The following LMX1B variants were observed in gnomAD, a reference collection of about 807,000 sequenced individuals.
LMX1B encodes LIM homeobox transcription factor 1-beta.
LMX1B carries 12 observed loss-of-function variants against 51.4 expected under a neutral mutation model. That is an observed-to-expected ratio of 0.23 (90% CI 0.15 to 0.38). The LOEUF is 0.38. Among genes scored for constraint, LMX1B ranks in the 10% least tolerant of loss-of-function variants. The pLI is 1.00. For synonymous variants in LMX1B, 237 were observed against 235.4 expected, an observed-to-expected ratio of 1.01 and a Z score of -0.06; for missense variants, 445 against 571.1, an observed-to-expected ratio of 0.78 and a Z score of 2.25.
At chr9:126,627,273 G>A (rs1254529595) in intron 2 of LMX1B, among the ~76,000 whole-genome samples, 1 of 152,030 alleles carries the variant, frequency 6.6e-6, no homozygotes, top group Non-Finnish European at 1.5e-5. Flanking sequence ...CCTCCCCCAG[G>A]GACCCTTCTT....
At chr9:126,621,491 A>G (rs1371770393) in intron 2 of LMX1B, among the ~76,000 whole-genome samples, 1 of 152,172 alleles carries the variant, frequency 6.6e-6, no homozygotes, top group Non-Finnish European at 1.5e-5. Flanking sequence ...TATTTGAAAA[A>G]GTTGATTCAC....
intron 2 of LMX1B, among the ~76,000 whole-genome samples, chr9:126,648,045 C>G (rs1233171197): frequency 3.3e-5 from 5 of 152,236 alleles, no homozygotes; most frequent in Non-Finnish European, 5.9e-5. Flanking sequence ...GGCCCTGACT[C>G]TATGCACAAT....
At chr9:126,640,035 CA>C (rs1181115485) in intron 2 of LMX1B, among the ~76,000 whole-genome samples, 2 of 152,188 alleles carry the variant, frequency 1.3e-5, no homozygotes, top group Non-Finnish European at 2.9e-5. Context: ...CTCCTTAACG[CA>C]GTTAATGCGG....
chr9:126,640,372 T>A (rs770386820), intron 2 of LMX1B, among the ~76,000 whole-genome samples: 58 of 152,178 alleles, frequency 3.8e-4, no homozygotes, highest in Non-Finnish European at 5.7e-4. Context: ...CAGGTGACTG[T>A]CCTACCCAGT....
At chr9:126,665,096 A>G (rs3861874) in intron 2 of LMX1B, among the ~76,000 whole-genome samples, 3,089 of 152,260 alleles carry the variant, frequency 0.02, 88 homozygotes, top group African/African-American at 0.068. Context: ...CTTCCTGCCA[A>G]TGCTGCTGTT....
chr9:126,645,962 C>G (rs922739694), intron 2 of LMX1B, among the ~76,000 whole-genome samples: 2 of 152,178 alleles, frequency 1.3e-5, no homozygotes, highest in African/African-American at 2.4e-5. Flanking sequence ...AGGGCCTGCT[C>G]TGGCTCTCAG....
intron 2 of LMX1B, among the ~76,000 whole-genome samples, chr9:126,632,674 C>T (rs1353635690): frequency 6.6e-6 from 1 of 152,148 alleles, no homozygotes; most frequent in Non-Finnish European, 1.5e-5. Flanking sequence ...GAACAGGGCA[C>T]AGGGAGGGTC....
At chr9:126,630,161 C>CAAAAA (rs386416246) in intron 2 of LMX1B, among the ~76,000 whole-genome samples, 1 of 83,800 alleles carries the variant, frequency 1.2e-5, no homozygotes, top group Non-Finnish European at 2.2e-5. Flanking sequence ...GACTCCGTCT[C>CAAAAA]AAAAAAAAAA....
intron 1 of LMX1B, among the ~76,000 whole-genome samples, 187 bp downstream of exon 1, chr9:126,614,775 G>A (rs1055551660): frequency 6.6e-6 from 1 of 152,142 alleles, no homozygotes; most frequent in African/African-American, 2.4e-5. Context: ...GGCGTCCTGA[G>A]GGGACAGGAC....
chr9:126,696,518 C>T lies in LMX1B; in HGVS notation c.*67C>T. ...GGGACTGCCAGCCTCTGCGGCCAGC[C>T]TGGCCACCCCCGCCCTGCTCTCCGC... is the stretch of plus-strand genomic sequence containing the variant. On this transcript the variant is annotated 3_prime_UTR_variant, in exon 8 of 8. Transcript: ENST00000373474. The T allele has an allele frequency of 6.4e-7, 1 of 1,574,278 alleles. No homozygotes were observed. The highest frequency in any genetic ancestry group is 8.7e-7 in the Non-Finnish European group (1 of 1,145,640).
chr9:126,674,684 G>A (rs900960413), intron 2 of LMX1B, among the ~76,000 whole-genome samples: 5 of 152,136 alleles, frequency 3.3e-5, no homozygotes, highest in Non-Finnish European at 7.4e-5. Context: ...TGACAGGGCC[G>A]AGGGAGCCAC....
At chr9:126,687,653 C>T (rs897466404) in intron 2 of LMX1B, among the ~76,000 whole-genome samples, 3 of 152,228 alleles carry the variant, frequency 2.0e-5, no homozygotes, top group Non-Finnish European at 4.4e-5. Flanking sequence ...ACACTGACAA[C>T]TCGCTACATC....
chr9:126,651,927 G>T (rs972330676), intron 2 of LMX1B, among the ~76,000 whole-genome samples: 1 of 151,944 alleles, frequency 6.6e-6, no homozygotes, highest in Non-Finnish European at 1.5e-5. Flanking sequence ...TTTGAACAGG[G>T]ACCCTACCAG....
chr9:126,687,959 C>A (rs910899773), intron 2 of LMX1B, among the ~76,000 whole-genome samples: 5 of 152,164 alleles, frequency 3.3e-5, no homozygotes, highest in Non-Finnish European at 7.3e-5. Flanking sequence ...GTCGCTCTCA[C>A]CCCAGCACAG....
chr9:126,632,703 G>T (rs1394541512), intron 2 of LMX1B, among the ~76,000 whole-genome samples: 2 of 152,156 alleles, frequency 1.3e-5, no homozygotes, highest in African/African-American at 4.8e-5. Flanking sequence ...CTGGGGCTTG[G>T]AGCTGGGGTG....
In LMX1B at chr9:126,673,310, T is replaced by C. The variant is rs897280103; in HGVS notation, c.327-17526T>C. 1.4e-4 allele frequency among the ~76,000 whole-genome samples: 21 copies of C among 151,856 alleles called. No homozygotes were observed. Among genetic ancestry groups the C allele is most frequent in the Middle Eastern group, 3.2e-3 (1 of 316 alleles). Reference sequence around the variant, plus strand: ...TGAATGGGGAGCCACCCACAGAGGGTAGGGAGGGCTCTGCGTGCTGCTGGC... The same window carrying C: ...TGAATGGGGAGCCACCCACAGAGGGCAGGGAGGGCTCTGCGTGCTGCTGGC... On this transcript the variant is annotated intron_variant, in intron 2 of 7. Transcript: ENST00000373474. This position sits in a 1 kb window ranked among gnomAD's most constrained non-coding sequence, Gnocchi z 4.4.
chr9:126,645,132 G>A (rs987203255), intron 2 of LMX1B, among the ~76,000 whole-genome samples: 5 of 152,036 alleles, frequency 3.3e-5, no homozygotes, highest in Non-Finnish European at 7.4e-5. Context: ...ACCCACCACC[G>A]CCCCACTGGA....
chr9:126,673,803 G>A lies in LMX1B; in HGVS notation c.327-17033G>A, dbSNP rs912215813. Reference sequence around the variant, plus strand: ...GGTGGGAGGGGCCGGGGTGGAGGGCGCATCCCCACGGGGAGATTGGATGGA... The same window carrying A: ...GGTGGGAGGGGCCGGGGTGGAGGGCACATCCCCACGGGGAGATTGGATGGA... On this transcript the variant is annotated intron_variant, in intron 2 of 7. Coordinates refer to ENST00000373474, the MANE Select transcript of LMX1B (RefSeq NM_001174147.2). The surrounding 1 kb of genome is among the most constrained non-coding windows in gnomAD (Gnocchi z 4.4). Among the ~76,000 whole-genome samples, 34 of 152,264 alleles carry A rather than the reference G, an allele frequency of 2.2e-4. No individual in the cohort carries two copies. The highest frequency in any genetic ancestry group is 4.1e-4 in the South Asian group (2 of 4,822).
chr9:126,683,202 AGAGGCCCCGC>A (rs984722410), intron 2 of LMX1B, among the ~76,000 whole-genome samples: 34 of 150,962 alleles, frequency 2.3e-4, no homozygotes, highest in Non-Finnish European at 4.1e-4. Context: ...GGAGGCTGGG[AGAGGCCCCGC>A]GAGGCCCGCA....
Sources: allele counts gnomAD v4.1 joint callset (sites outside exome capture counted in the v4.1 genomes callset), GRCh38; gene constraint gnomAD v4.1.1; non-coding constraint Gnocchi (gnomAD v3.1); transcripts MANE v1.5; gene names NCBI Gene and HGNC (gene_info 2026-07-23, HGNC 2026-07-21).